ZNF335: variants seen among roughly 807,000 people sequenced by gnomAD.
The protein encoded by ZNF335 is zinc finger protein 335.
ZNF335 carries 84 observed loss-of-function variants against 145.6 expected under a neutral mutation model. The observed-to-expected ratio is 0.58, with a 90% confidence interval of 0.48 to 0.69. ZNF335 has a LOEUF of 0.69. Ranked by LOEUF, ZNF335 falls within the 30% of genes least tolerant of loss-of-function variation. The probability of loss-of-function intolerance (pLI) is 0.00; values close to 1 mark genes in which losing one functional copy is unlikely to be tolerated. For missense variants in ZNF335, 1,865 were observed against 1,809.7 expected, an observed-to-expected ratio of 1.03 and a Z score of -0.55; for synonymous variants, 761 against 717.0, an observed-to-expected ratio of 1.06 and a Z score of -0.98.
Position 45,948,775 on chromosome 20 carries a change from G to T in ZNF335, c.*178C>A. On this transcript the variant is annotated 3_prime_UTR_variant, in exon 28 of 28. Coordinates refer to ENST00000322927, the MANE Select transcript of ZNF335 (RefSeq NM_022095.4). ...CAGGCTGGGGCACCCAGCATGTCCT[G>T]GCTGGGGCCCATGGCTGCCCCTAAC... is the stretch of plus-strand genomic sequence containing the variant. The T allele has an allele frequency of 1.0e-6, 1 of 975,930 alleles. No homozygotes were observed. The highest frequency in any genetic ancestry group is 1.5e-6 in the Non-Finnish European group (1 of 660,554). The allele number at this position is 975,930 out of a possible 1,614,324, so 60.5% of individuals were successfully genotyped here.
At position 45,951,748 on chromosome 20, in the gene ZNF335, A is replaced by G. The variant is rs530187291; in HGVS notation, c.3189+399T>C. Among the ~76,000 whole-genome samples, 22 of 152,266 alleles carry G rather than the reference A, an allele frequency of 1.4e-4. No homozygotes were observed. In the East Asian group the frequency reaches 3.7e-3, roughly 25 times the overall value. ...ACAGGCCATGGATGACTACCAGTCT[A>G]TGGCCCAGGGGTTGGGCACCCCTGT... On this transcript the variant is annotated intron_variant, in intron 20 of 27. Coordinates refer to ENST00000322927, the MANE Select transcript of ZNF335 (RefSeq NM_022095.4).
At chr20:45,962,813 TTGTTTGTTTG>T (rs1375079118) in intron 9 of ZNF335, among the ~76,000 whole-genome samples, 9 of 18,850 alleles carry the variant, frequency 4.8e-4, no homozygotes, top group Non-Finnish European at 4.4e-3. Flanking sequence ...TTTTTTTTTT[TTGTTTGTTTG>T]TTTTTTTGAG....
Position 45,971,322 on chromosome 20 carries a change from C to T in ZNF335, c.89G>A (p.Gly30Asp). The T allele has an allele frequency of 6.3e-7, 1 of 1,596,598 alleles. No individual in the cohort carries two copies. Among genetic ancestry groups the T allele is most frequent in the Non-Finnish European group, 8.5e-7 (1 of 1,178,212 alleles). ...GTCGGCGGACACGGCTTCTGAGGTG[C>T]CCACACCCAGGCCGCTCTCAGAGGG... ...EEPSESGLGV[G>D]TSEAVSADSS... Residue 30 changes from glycine (G) to aspartate (D), a missense_variant, in exon 2 of 28, where the codon GGC (glycine) becomes GAC (aspartate). Physicochemically the swap from Gly to Asp is moderately conservative, Grantham distance 94 (BLOSUM62 -1). Transcript: ENST00000322927.
chr20:45,964,343 A>C, intron 7 of ZNF335: 1 of 208,530 alleles, frequency 4.8e-6, no homozygotes, highest in Non-Finnish European at 9.5e-6. Context: ...CCATTTATCC[A>C]AGGGAGGCCA....
intron 3 of ZNF335, 72 bp from the exon 4 acceptor site, chr20:45,968,434 C>T: frequency 7.0e-7 from 1 of 1,428,988 alleles, no homozygotes; most frequent in Non-Finnish European, 9.8e-7. Flanking sequence ...CCCATGGGCC[C>T]CACTTTGGCC....
chr20:45,961,777 T>A (rs2083847415), intron 10 of ZNF335: 1 of 310,846 alleles, frequency 3.2e-6, no homozygotes. Flanking sequence ...TTTACTGAAC[T>A]CCTTTAGGTA....
chr20:45,961,812 C>T, intron 10 of ZNF335: 1 of 431,128 alleles, frequency 2.3e-6, no homozygotes, highest in Admixed American at 3.5e-5. Context: ...ATCCCTTCAA[C>T]AACTGTCCCC....
At chr20:45,969,847 G>A (rs1006198839) in intron 2 of ZNF335, 156 bp from the exon 3 acceptor site, 55 of 946,990 alleles carry the variant, frequency 5.8e-5, no homozygotes, top group Non-Finnish European at 7.7e-5. Flanking sequence ...CAGTGAGAGA[G>A]GCCCTCCAGT....
rs549422814 is a variant in ZNF335 at position 45,967,229 on chromosome 20, C to G, written c.955+265G>C. 3 of 510,632 alleles carry G rather than the reference C, an allele frequency of 5.9e-6. No individual in the cohort carries two copies. The Admixed American group carries it at 9.6e-5, about 16-fold the overall frequency. The allele number at this position is 510,632 out of a possible 1,614,324, so 31.6% of individuals were successfully genotyped here. ...CTACACTCCAGTCTGAGCAACAGGG[C>G]GAGGACCTCCTCTCGCACCTTTACT... On this transcript the variant is annotated intron_variant, in intron 6 of 27. Transcript: ENST00000322927.
At chr20:45,971,829 T>G (rs1007927458) in intron 1 of ZNF335, 302 of 984,390 alleles carry the variant, frequency 3.1e-4, no homozygotes, top group Non-Finnish European at 3.5e-4. Flanking sequence ...GCCCCCTGGG[T>G]CAGTGGTTCG....
At chr20:45,964,627 G>A (rs967990073) in intron 7 of ZNF335, 1 of 152,236 alleles carries the variant, frequency 6.6e-6, no homozygotes, top group African/African-American at 2.4e-5. Context: ...GGGTTATACA[G>A]GTGCTTGGTT....
At position 45,952,178 on chromosome 20, in the gene ZNF335, G is replaced by A. The variant is rs768092083; in HGVS notation, c.3158C>T (p.Pro1053Leu). ...GPGAFKCPDC[P>L]FSARQWPEVR... ...CTCGGGCCACTGGCGGGCACTGAAG[G>A]GGCAGTCGGGGCACTTGAAGGCACC... is the stretch of plus-strand genomic sequence containing the variant. The change falls in exon 20 of 28, where the codon CCC (proline) becomes CTC (leucine). Residue 1053 changes from proline (P) to leucine (L), a missense_variant. By Grantham distance (98) the Pro-to-Leu change is moderately conservative. Coordinates refer to ENST00000322927, the MANE Select transcript of ZNF335 (RefSeq NM_022095.4). The A allele has an allele frequency of 4.4e-6, 7 of 1,609,080 alleles. No individual in the cohort carries two copies. In the Middle Eastern group the frequency reaches 6.7e-4, roughly 154 times the overall value.
At chr20:45,969,802 G>C (rs939530501) in intron 2 of ZNF335, 111 bp from the exon 3 acceptor site, 2 of 1,456,064 alleles carry the variant, frequency 1.4e-6, no homozygotes, top group Middle Eastern at 1.8e-4. Context: ...GACATGGTCA[G>C]TGGAGCCACT....
Position 45,950,022 on chromosome 20 carries a change from G to C in ZNF335, c.3535C>G (p.Gln1179Glu). ...ATGATGTGTTCCTGGCTCAGTGCCT[G>C]CTGTAGCCGCTCTGGGCCCAGGACC... ...HGVLGPERLQ[Q>E]ALSQEHIIVA... Residue 1179 changes from glutamine (Q) to glutamate (E), a missense_variant, in exon 23 of 28, where the codon CAG becomes GAG. Physicochemically the swap from Gln to Glu is conservative, Grantham distance 29. Coordinates refer to ENST00000322927, the MANE Select transcript of ZNF335 (RefSeq NM_022095.4). 1 of 1,614,104 alleles carries C rather than the reference G, an allele frequency of 6.2e-7. No homozygotes were observed. Among genetic ancestry groups the C allele is most frequent in the Non-Finnish European group, 8.5e-7 (1 of 1,180,026 alleles).
intron 1 of ZNF335, chr20:45,971,755 C>T: frequency 1.0e-6 from 1 of 985,460 alleles, no homozygotes; most frequent in Non-Finnish European, 1.2e-6. Flanking sequence ...CATCCGGGCC[C>T]AGTGGTTCAG....
At position 45,952,578 on chromosome 20, in the gene ZNF335, T is replaced by G. The variant is rs781048942; in HGVS notation, c.2814+20A>C. 6.2e-7 allele frequency: 1 copy of G among 1,612,874 alleles called. No homozygotes were observed. The highest frequency in any genetic ancestry group is 1.1e-5 in the South Asian group (1 of 91,030). On this transcript the variant is annotated intron_variant, in intron 19 of 27. Coordinates refer to ENST00000322927, the MANE Select transcript of ZNF335 (RefSeq NM_022095.4). ...GAAGGGGAGGGAGGTGGGGGAGTGG[T>G]TGGCATCCCCAAGCCTCACCTCAAT...
Position 45,962,813 on chromosome 20 carries a change from T to G in ZNF335, c.1534-631A>C, listed in dbSNP as rs113874135. 3.2e-3 allele frequency among the ~76,000 whole-genome samples: 61 copies of G among 18,850 alleles called. 1 individual carries two copies. The highest frequency in any genetic ancestry group is 6.1e-3 in the African/African-American group (56 of 9,174). 12.4% of individuals were successfully genotyped at this position (18,850 alleles called of 152,430 possible). A position where few individuals can be genotyped will look rare whatever the true frequency, so the allele number is the denominator to read the frequency against. Reference sequence around the variant, plus strand: ...AGAAAAAGGAACCGTTTTTTTTTTTTTGTTTGTTTGTTTTTTTGAGACAGA... The same window carrying G: ...AGAAAAAGGAACCGTTTTTTTTTTTGTGTTTGTTTGTTTTTTTGAGACAGA... On this transcript the variant is annotated intron_variant, in intron 9 of 27. Transcript: ENST00000322927.
At chr20:45,969,762 C>T (rs768483114) in intron 2 of ZNF335, 71 bp from the exon 3 acceptor site, 1 of 1,565,046 alleles carries the variant, frequency 6.4e-7, no homozygotes, top group Non-Finnish European at 8.7e-7. Context: ...TGCCAGCTCC[C>T]ACTTGCTAGA....
At chr20:45,970,596 T>G (rs1316495017) in intron 2 of ZNF335, among the ~76,000 whole-genome samples, 1 of 151,996 alleles carries the variant, frequency 6.6e-6, no homozygotes, top group Non-Finnish European at 1.5e-5. Context: ...CAGGAGGAGA[T>G]GGTTTACAAA....
Sources: allele counts gnomAD v4.1 joint callset (sites outside exome capture counted in the v4.1 genomes callset), GRCh38; gene constraint gnomAD v4.1.1; transcripts MANE v1.5; gene names NCBI Gene and HGNC (gene_info 2026-07-23, HGNC 2026-07-21).